Variants in FREM3 observed in about 807,000 individuals in gnomAD.
FREM3 encodes the protein FRAS1-related extracellular matrix protein 3.
A neutral mutation model predicts 129.1 loss-of-function variants in FREM3; 105 were observed. The ratio of observed to expected loss-of-function variants is 0.81; its 90% CI spans 0.69 to 0.96. The LOEUF is 0.96. Ranked by LOEUF, FREM3 falls within the 40% of genes least tolerant of loss-of-function variation. The pLI, the probability that FREM3 is intolerant of heterozygous loss-of-function variation, is 0.00. For missense variants in FREM3, 2,593 were observed against 2,666.3 expected (o/e 0.97, Z 0.61); for synonymous variants, 1,014 against 1,044.9 (o/e 0.97, Z 0.57).
intron 2 of FREM3, among the ~76,000 whole-genome samples, chr4:143,639,675 G>A (rs1361753422): frequency 1.3e-5 from 2 of 152,130 alleles, no homozygotes; most frequent in Admixed American, 6.6e-5. Context: ...GTGTGAGGAG[G>A]GTGAATTCCC....
At position 143,696,840 on chromosome 4, in the gene FREM3, C is replaced by G. The variant is rs1455523998; in HGVS notation, c.3836G>C (p.Ser1279Thr). The G allele has an allele frequency of 2.0e-6, 3 of 1,537,764 alleles. No individual in the cohort carries two copies. The East Asian group carries it at 7.3e-5, about 38-fold the overall frequency. ...EHDDSETKEDSFEVWLSDGKH... is the reference protein window; with the variant it reads ...EHDDSETKEDTFEVWLSDGKH... ...GCCGTCACTCAGCCAGACCTCAAAA[C>G]TGTCCTCTTTTGTCTCTGAGTCATC... Residue 1279 changes from serine to threonine, a missense_variant, in exon 1 of 8, where the codon AGT becomes ACT. Coordinates refer to ENST00000329798, the MANE Select transcript of FREM3 (RefSeq NM_001168235.2).
At position 143,627,656 on chromosome 4, in the gene FREM3, T is replaced by A; in HGVS notation, c.5380A>T (p.Thr1794Ser). 6.5e-7 allele frequency: 1 copy of A among 1,536,022 alleles called. No homozygotes were observed. Among genetic ancestry groups the A allele is most frequent in the South Asian group, 1.2e-5 (1 of 84,024 alleles). Residue 1794 changes from threonine (T) to serine (S), a missense_variant, in exon 3 of 8, where the codon ACC becomes TCC. Coordinates refer to ENST00000329798, the MANE Select transcript of FREM3 (RefSeq NM_001168235.2). ...VDEDSTFLEV[T>S]LTRRGYLGET... Reference sequence around the variant, plus strand: ...CCAAGGTATCCTCTGCGTGTAAGGGTCACTTCTAAGAATGTGGAATCTTCA... The same window carrying A: ...CCAAGGTATCCTCTGCGTGTAAGGGACACTTCTAAGAATGTGGAATCTTCA...
At chr4:143,640,305 C>T (rs917287689) in intron 2 of FREM3, among the ~76,000 whole-genome samples, 4 of 152,140 alleles carry the variant, frequency 2.6e-5, no homozygotes, top group Admixed American at 2.6e-4. Flanking sequence ...TTAATCAATA[C>T]CTGTTGAATG....
intron 2 of FREM3, among the ~76,000 whole-genome samples, chr4:143,680,438 G>A (rs1177180512): frequency 6.6e-6 from 1 of 151,898 alleles, no homozygotes; most frequent in Non-Finnish European, 1.5e-5. Flanking sequence ...CCATAGACTT[G>A]TTTTACAGAC....
At chr4:143,675,258 A>C (rs1377619345) in intron 2 of FREM3, among the ~76,000 whole-genome samples, 3 of 152,194 alleles carry the variant, frequency 2.0e-5, no homozygotes, top group African/African-American at 4.8e-5. Flanking sequence ...GCTCAACTAC[A>C]TGGAAACTGA....
chr4:143,582,178 A>G (rs1252459831), intron 7 of FREM3, among the ~76,000 whole-genome samples: 1 of 152,070 alleles, frequency 6.6e-6, no homozygotes, highest in African/African-American at 2.4e-5. Context: ...CTGGAGAGGG[A>G]GTGTAAAGCC....
chr4:143,649,241 T>G (rs1739471585), intron 2 of FREM3: 1 of 152,256 alleles, frequency 6.6e-6, no homozygotes, highest in Non-Finnish European at 1.5e-5. Flanking sequence ...GATTCTGCCT[T>G]ACCAGTATGG....
chr4:143,667,548 T>C (rs75926606), intron 2 of FREM3, among the ~76,000 whole-genome samples: 10 of 152,258 alleles, frequency 6.6e-5, no homozygotes, highest in African/African-American at 2.4e-4. Flanking sequence ...CATTTTTTTT[T>C]CTCCCAGTTC....
chr4:143,596,081 G>T lies in FREM3; in HGVS notation c.6029-10088C>A, dbSNP rs567226554. On this transcript the variant is annotated intron_variant, in intron 6 of 7. Transcript: ENST00000329798. ...GCCTACCGTTTAGGAAGGGATGCAA[G>T]AACTTGTTTATTGGTAGTGTGTAAG... is the stretch of plus-strand genomic sequence containing the variant. Among the ~76,000 whole-genome samples, 17 of 152,202 alleles carry T rather than the reference G, an allele frequency of 1.1e-4. 1 individual carries two copies. In the South Asian group the frequency reaches 3.3e-3, roughly 30 times the overall value.
chr4:143,578,429 A>G (rs1170486501), intron 7 of FREM3, among the ~76,000 whole-genome samples: 2 of 152,230 alleles, frequency 1.3e-5, no homozygotes, highest in Non-Finnish European at 2.9e-5. Context: ...CATGATAATC[A>G]ATGGAATTAA....
intron 6 of FREM3, among the ~76,000 whole-genome samples, chr4:143,599,666 A>G (rs898881672): frequency 2.0e-5 from 3 of 152,184 alleles, no homozygotes; most frequent in African/African-American, 7.2e-5. Flanking sequence ...GAATGTAGTA[A>G]TTTAAAGTGT....
At chr4:143,694,160 G>A (rs2149863293) in intron 1 of FREM3, among the ~76,000 whole-genome samples, 1 of 152,240 alleles carries the variant, frequency 6.6e-6, no homozygotes, top group Middle Eastern at 3.4e-3. Flanking sequence ...TAAAAGTTAA[G>A]AAACCCTGAC....
rs1404499623 is a variant in FREM3 at position 143,700,150 on chromosome 4, A to G, written c.526T>C (p.Leu176=). 8.5e-6 allele frequency: 13 copies of G among 1,536,874 alleles called. No individual in the cohort carries two copies. Among genetic ancestry groups the G allele is most frequent in the Non-Finnish European group, 2.6e-6 (3 of 1,146,900 alleles). Residue 176 remains leucine (L), a synonymous_variant, in exon 1 of 8, where the codon TTG becomes CTG. Coordinates refer to ENST00000329798, the MANE Select transcript of FREM3 (RefSeq NM_001168235.2). The stretch of plus-strand genomic sequence containing the variant: ...CAGCTTCGCAGCTTCTCCACTACCA[A>G]AGGCCTGTTACGCGTCACCAGCTCC... ...QLELVTRNRP[L]VVEKLRSWSR...
At chr4:143,666,753 A>C (rs1476518295) in intron 2 of FREM3, among the ~76,000 whole-genome samples, 1 of 152,140 alleles carries the variant, frequency 6.6e-6, no homozygotes, top group East Asian at 1.9e-4. Context: ...TTTAATAAAT[A>C]AAGGGTTTCT....
chr4:143,668,006 G>T (rs1739895461), intron 2 of FREM3, among the ~76,000 whole-genome samples: 1 of 152,118 alleles, frequency 6.6e-6, no homozygotes, highest in Non-Finnish European at 1.5e-5. Context: ...AATAAAAGTT[G>T]CTTATTATAA....
intron 7 of FREM3, among the ~76,000 whole-genome samples, chr4:143,583,404 A>C (rs1192930229): frequency 1.3e-5 from 2 of 152,228 alleles, no homozygotes; most frequent in African/African-American, 4.8e-5. Context: ...CTGTCCATGC[A>C]TATTTCCCCA....
Position 143,698,500 on chromosome 4 carries a change from T to A in FREM3, c.2176A>T (p.Asn726Tyr). 1 of 1,537,704 alleles carries A rather than the reference T, an allele frequency of 6.5e-7. No homozygotes were observed. Among genetic ancestry groups the A allele is most frequent in the South Asian group, 1.2e-5 (1 of 84,062 alleles). Residue 726 changes from asparagine (N) to tyrosine (Y), a missense_variant, in exon 1 of 8, where the codon AAT becomes TAT. Physicochemically the swap from Asn to Tyr is moderately radical, Grantham distance 143. Around this residue, in one of 2 missense-constraint regions of FREM3, gnomAD observed 2,276 missense variants for 2,267.2 expected, o/e 1.00. Transcript: ENST00000329798. Reference protein sequence around the residue: ...QEYQLTHFQKNFLRYIDQDSD... With the variant: ...QEYQLTHFQKYFLRYIDQDSD... ...TCCTGGTCAATGTATCGGAGGAAAT[T>A]CTTCTGGAAGTGAGTGAGTTGGTAT... is the stretch of plus-strand genomic sequence containing the variant.
chr4:143,611,886 GA>G (rs1050640576), intron 5 of FREM3, among the ~76,000 whole-genome samples: 1 of 152,182 alleles, frequency 6.6e-6, no homozygotes, highest in Non-Finnish European at 1.5e-5. Context: ...TCCACAGCAT[GA>G]AAATAGTATC....
chr4:143,584,073 A>G (rs909434000), intron 7 of FREM3, among the ~76,000 whole-genome samples: 13 of 152,226 alleles, frequency 8.5e-5, no homozygotes, highest in African/African-American at 2.4e-4. Context: ...CCCATCTCAC[A>G]TGCAATGACA....
Sources: allele counts gnomAD v4.1 joint callset (sites outside exome capture counted in the v4.1 genomes callset), GRCh38; gene constraint gnomAD v4.1.1; regional missense constraint gnomAD v4.1.1; transcripts MANE v1.5; gene names NCBI Gene and HGNC (gene_info 2026-07-23, HGNC 2026-07-21).